Variants in SCN3A observed in about 807,000 individuals in gnomAD.
SCN3A encodes sodium voltage-gated channel alpha subunit 3, also known as sodium channel protein type 3 subunit alpha.
In SCN3A, 60 loss-of-function variants were observed where a neutral mutation model predicts 187.6. The ratio of observed to expected loss-of-function variants is 0.32; its 90% CI spans 0.26 to 0.40. The LOEUF is 0.40. Among genes scored for constraint, SCN3A ranks in the 10% least tolerant of loss-of-function variants. The pLI, the probability that SCN3A is intolerant of heterozygous loss-of-function variation, is 1.00. For missense variants in SCN3A, 1,601 were observed against 2,428.2 expected (o/e 0.66, Z 7.16); for synonymous variants, 788 against 829.2 (o/e 0.95, Z 0.85).
intron 10 of SCN3A, 65 bp from the exon 11 acceptor site, chr2:165,154,723 T>C: frequency 1.4e-6 from 2 of 1,445,704 alleles, no homozygotes; most frequent in Non-Finnish European, 1.9e-6. Flanking sequence ...AATATCTGAT[T>C]ACCACAGTTA....
chr2:165,161,133 C>CTTTTTTTTTTTTTTTTTTTTTTTTTT (rs1689347056), intron 9 of SCN3A, among the ~76,000 whole-genome samples: 1 of 83,686 alleles, frequency 1.2e-5, no homozygotes, highest in Non-Finnish European at 2.6e-5. Flanking sequence ...TTTTTTCTTT[C>CTTTTTTTTTTTTTTTTTTTTTTTTTT]TTTCTTTTTT....
intron 2 of SCN3A, among the ~76,000 whole-genome samples, chr2:165,186,250 A>G (rs1691230333): frequency 6.6e-6 from 1 of 151,954 alleles, no homozygotes; most frequent in South Asian, 2.1e-4. Context: ...AGCCTGGGCG[A>G]CAGAGAGAGA....
chr2:165,151,471 A>T (rs1237567321), intron 11 of SCN3A, among the ~76,000 whole-genome samples: 2 of 152,214 alleles, frequency 1.3e-5, no homozygotes, highest in East Asian at 3.9e-4. Context: ...CTCCTGAAGC[A>T]ACCAATAAAA....
intron 11 of SCN3A, among the ~76,000 whole-genome samples, chr2:165,152,030 G>C (rs1574234169): frequency 6.6e-6 from 1 of 152,102 alleles, no homozygotes. Flanking sequence ...GATACAAAAG[G>C]ATCAAACTGT....
chr2:165,117,821 C>T (rs201589848), intron 18 of SCN3A, among the ~76,000 whole-genome samples: 1 of 152,034 alleles, frequency 6.6e-6, no homozygotes, highest in African/African-American at 2.4e-5. Context: ...TACATGTATA[C>T]ACACACAGGT....
chr2:165,188,646 G>GGT (rs1691389057), intron 1 of SCN3A, among the ~76,000 whole-genome samples: 2 of 132,138 alleles, frequency 1.5e-5, no homozygotes, highest in Admixed American at 7.9e-5. Context: ...AAATTAGCCA[G>GGT]GTGTGGTGGT....
At chr2:165,174,187 G>T (rs1474646475) in intron 3 of SCN3A, among the ~76,000 whole-genome samples, 2 of 152,162 alleles carry the variant, frequency 1.3e-5, no homozygotes, top group African/African-American at 2.4e-5. Context: ...AGGATTACAG[G>T]TGTGGGCCAT....
chr2:165,149,551 G>A (rs1194670822), intron 11 of SCN3A, among the ~76,000 whole-genome samples: 1 of 152,166 alleles, frequency 6.6e-6, no homozygotes, highest in Non-Finnish European at 1.5e-5. Flanking sequence ...AACCAAAACA[G>A]ATTTCTAAGG....
chr2:165,203,191 T>G (rs767103746), intron 1 of SCN3A, among the ~76,000 whole-genome samples: 1 of 151,902 alleles, frequency 6.6e-6, no homozygotes, highest in African/African-American at 2.4e-5. Context: ...TAATATAAAA[T>G]GAATATATTA....
chr2:165,123,325 A>G, intron 18 of SCN3A, among the ~76,000 whole-genome samples: 1 of 152,168 alleles, frequency 6.6e-6, no homozygotes, highest in Non-Finnish European at 1.5e-5. Context: ...TATATAACAT[A>G]TATAACAGCA....
chr2:165,157,968 C>T (rs1689163742), intron 9 of SCN3A, among the ~76,000 whole-genome samples: 1 of 152,000 alleles, frequency 6.6e-6, no homozygotes, highest in African/African-American at 2.4e-5. Context: ...TCAGATGCTC[C>T]AGGCTCATCT....
intron 21 of SCN3A, among the ~76,000 whole-genome samples, chr2:165,103,431 T>C (rs1168610123): frequency 3.3e-5 from 5 of 152,224 alleles, no homozygotes; most frequent in Non-Finnish European, 7.4e-5. Flanking sequence ...AGTGTTTTAA[T>C]ATTATCTCTT....
intron 1 of SCN3A, chr2:165,195,103 G>A (rs1398538008): frequency 6.6e-6 from 1 of 152,088 alleles, no homozygotes; most frequent in Non-Finnish European, 1.5e-5. Context: ...AATTATATAT[G>A]ATAAAAAATT....
chr2:165,156,780 T>G (rs921545675), intron 9 of SCN3A, among the ~76,000 whole-genome samples: 1 of 152,136 alleles, frequency 6.6e-6, no homozygotes, highest in African/African-American at 2.4e-5. Flanking sequence ...CTGAAACTTC[T>G]GGGCTCAAGC....
chr2:165,162,957 G>A (rs1280334704), intron 7 of SCN3A, 129 bp from the exon 8 acceptor site: 1 of 1,109,048 alleles, frequency 9.0e-7, no homozygotes, highest in Non-Finnish European at 1.4e-6. Context: ...TGTATGGATA[G>A]CCTGATGATT....
intron 21 of SCN3A, among the ~76,000 whole-genome samples, chr2:165,104,730 C>T (rs1685766350): frequency 6.6e-6 from 1 of 152,008 alleles, no homozygotes; most frequent in Non-Finnish European, 1.5e-5. Context: ...CCACATGTGA[C>T]AAAATACTAA....
intron 11 of SCN3A, among the ~76,000 whole-genome samples, chr2:165,147,830 C>T (rs745606860): frequency 5.3e-5 from 8 of 152,196 alleles, no homozygotes; most frequent in Non-Finnish European, 1.2e-4. Flanking sequence ...ACAGTCAGCT[C>T]TGAGGTGAAA....
At chr2:165,155,360 C>CTCCCTTTCCCTT (rs1012805372) in intron 10 of SCN3A, among the ~76,000 whole-genome samples, 1 of 151,946 alleles carries the variant, frequency 6.6e-6, no homozygotes, top group Non-Finnish European at 1.5e-5. Flanking sequence ...ATTCCCTTCT[C>CTCCCTTTCCCTT]TCCCTTTCCC....
chr2:165,154,502 C>T lies in SCN3A; in HGVS notation c.1330G>A (p.Glu444Lys), dbSNP rs771117930. The T allele has an allele frequency of 5.6e-6, 9 of 1,614,108 alleles. No homozygotes were observed. The highest frequency in any genetic ancestry group is 6.8e-6 in the Non-Finnish European group (8 of 1,179,998). ...TLEEAEQKEA[E>K]FQQMLEQLKK... ...AGCTGTTCGAGCATCTGCTGAAATT[C>T]GGCCTCTTTTTGTTCTGCTTCTTCC... The change falls in exon 11 of 28, where the codon GAA becomes AAA. Residue 444 changes from glutamate to lysine, a missense_variant. Transcript: ENST00000283254.
Sources: allele counts gnomAD v4.1 joint callset (sites outside exome capture counted in the v4.1 genomes callset), GRCh38; gene constraint gnomAD v4.1.1; transcripts MANE v1.5; gene names NCBI Gene and HGNC (gene_info 2026-07-23, HGNC 2026-07-21).